Variants in RBBP7 observed in about 807,000 individuals in gnomAD.
RBBP7 encodes histone-binding protein RBBP7.
RBBP7 carries 5 observed loss-of-function variants against 35.2 expected under a neutral mutation model. That is an observed-to-expected ratio of 0.14 (90% CI 0.07 to 0.30). The LOEUF (loss-of-function observed/expected upper bound fraction) is 0.30, where lower values mean the gene tolerates loss of function less well. Ranked by LOEUF, RBBP7 falls within the 10% of genes least tolerant of loss-of-function variation. The pLI, the probability that RBBP7 is intolerant of heterozygous loss-of-function variation, is 1.00. For synonymous variants in RBBP7, 140 were observed against 118.7 expected (o/e 1.18, Z -1.17); for missense variants, 155 against 327.5 (o/e 0.47, Z 4.07).
intron 4 of RBBP7, among the ~76,000 whole-genome samples, chrX:16,858,042 G>A (rs1022625404): frequency 9.0e-6 from 1 of 111,597 alleles, no homozygotes; most frequent in Non-Finnish European, 1.9e-5. Flanking sequence ...AGGGTAGCCT[G>A]CAACCATAAA....
chrX:16,870,156 T>C lies in RBBP7; in HGVS notation c.-103A>G. ...CCTGCCTTTCCCAAGCGCGTCACAC[T>C]CCCCACTGTCGAAAGCCCGGGCCCC... is the stretch of plus-strand genomic sequence containing the variant. On this transcript the variant is annotated 5_prime_UTR_variant, in exon 1 of 12. Transcript: ENST00000380087. The C allele has an allele frequency of 2.1e-6, 2 of 962,343 alleles. No homozygotes were observed. Among genetic ancestry groups the C allele is most frequent in the Admixed American group, 4.0e-5 (1 of 24,997 alleles). 79.3% of individuals were successfully genotyped at this position (962,343 alleles called of 1,213,427 possible).
chrX:16,870,196 G>A lies in RBBP7; in HGVS notation c.-143C>T, dbSNP rs1348734624. ...GCCCGGGCCCCGTCTTGCTGCCTGG[G>A]TGCTCCCCAGACGCCGCGTCCTTCT... is the stretch of plus-strand genomic sequence containing the variant. On this transcript the variant is annotated 5_prime_UTR_variant, in exon 1 of 12. Coordinates refer to ENST00000380087, the MANE Select transcript of RBBP7 (RefSeq NM_002893.4). 2 of 771,762 alleles carry A rather than the reference G, an allele frequency of 2.6e-6. No individual in the cohort carries two copies. The highest frequency in any genetic ancestry group is 1.6e-6 in the Non-Finnish European group (1 of 630,609). The allele number at this position is 771,762 out of a possible 1,213,427, so 63.6% of individuals were successfully genotyped here.
chrX:16,853,624 C>A, intron 6 of RBBP7, 58 bp downstream of exon 6: 2 of 1,016,513 alleles, frequency 2.0e-6, no homozygotes, highest in Non-Finnish European at 2.6e-6. Flanking sequence ...CTGCAGCAAT[C>A]ACTGATGGTC....
At chrX:16,869,860 G>A (rs1930733830) in intron 1 of RBBP7, 178 bp downstream of exon 1, 1 of 844,132 alleles carries the variant, frequency 1.2e-6, no homozygotes, top group Non-Finnish European at 1.4e-6. Flanking sequence ...AGTGCTCGGA[G>A]CCCTCGGCGC....
chrX:16,869,388 A>G (rs1930709541), intron 1 of RBBP7, 168 bp from the exon 2 acceptor site: 1 of 1,061,410 alleles, frequency 9.4e-7, no homozygotes, highest in African/African-American at 1.9e-5. Context: ...ACTAACAATC[A>G]GGAAGCCTAT....
Position 16,870,271 on chromosome X carries a change from C to A in RBBP7, c.-218G>T. On this transcript the variant is annotated 5_prime_UTR_variant, in exon 1 of 12. It introduces an in-frame stop codon into an upstream open reading frame of the 5' UTR. Transcript: ENST00000380087. ...GTACCGAGGTCTGAGGCGCTCTTCT[C>A]TCTCTCTCCAAACTTGGAACGAGAC... is the stretch of plus-strand genomic sequence containing the variant. 2.6e-6 allele frequency: 1 copy of A among 380,503 alleles called. No individual in the cohort carries two copies. The highest frequency in any genetic ancestry group is 3.6e-6 in the Non-Finnish European group (1 of 278,835). The allele number at this position is 380,503 out of a possible 1,213,427, so 31.4% of individuals were successfully genotyped here.
intron 10 of RBBP7, chrX:16,847,502 T>C (rs998218835): frequency 7.3e-5 from 8 of 110,031 alleles, no homozygotes; most frequent in African/African-American, 2.6e-4. Flanking sequence ...TTAAGATCAC[T>C]GGGGCTTAGA....
chrX:16,865,627 G>A (rs888913378), intron 2 of RBBP7, among the ~76,000 whole-genome samples: 11 of 111,886 alleles, frequency 9.8e-5, no homozygotes, highest in African/African-American at 3.3e-4. Flanking sequence ...CTCCAATACT[G>A]GATGTACCTA....
chrX:16,848,724 A>T (rs1289260540), intron 10 of RBBP7: 1 of 111,520 alleles, frequency 9.0e-6, no homozygotes, highest in African/African-American at 3.3e-5. Context: ...GCACTGAAGG[A>T]CTCAGACGGG....
chrX:16,853,159 A>C (rs1306793504), intron 6 of RBBP7: 1 of 282,451 alleles, frequency 3.5e-6, no homozygotes, highest in Admixed American at 5.7e-5. Flanking sequence ...GAATAATGTC[A>C]CAATCTGATA....
Position 16,849,239 on chromosome X carries a change from C to T in RBBP7, c.1098+5G>A, listed in dbSNP as rs866037190. ...ACATTTCATCTTCTATAAGCCAATG[C>T]GTACCAGGAGTTCTGGAGGCCCATC... On this transcript the variant is annotated splice_donor_5th_base_variant and intron_variant, in intron 10 of 11. Coordinates refer to ENST00000380087, the MANE Select transcript of RBBP7 (RefSeq NM_002893.4). 1.8e-5 allele frequency: 22 copies of T among 1,205,186 alleles called. No homozygotes were observed. Among genetic ancestry groups the T allele is most frequent in the African/African-American group, 8.8e-5 (5 of 57,103 alleles).
At position 16,869,643 on chromosome X, in the gene RBBP7, G is replaced by A. The variant is rs202171012; in HGVS notation, c.16+395C>T. ...CACGACGCCCGCCTCGGCAGCCATA[G>A]GCCTGAGGACCCCAGCAACCCCCGG... On this transcript the variant is annotated intron_variant, in intron 1 of 11. Transcript: ENST00000380087. The A allele has an allele frequency of 2.8e-3, 3,232 of 1,134,479 alleles. 2 individuals are homozygous for A. The highest frequency in any genetic ancestry group is 3.5e-3 in the Non-Finnish European group (2,964 of 856,362). 93.5% of individuals were successfully genotyped at this position (1,134,479 alleles called of 1,213,427 possible).
chrX:16,862,854 A>T, intron 3 of RBBP7, 101 bp downstream of exon 3: 1 of 958,677 alleles, frequency 1.0e-6, no homozygotes, highest in Non-Finnish European at 1.4e-6. Context: ...CCTAGAAGTT[A>T]AATTACTGGG....
intron 5 of RBBP7, among the ~76,000 whole-genome samples, chrX:16,857,095 G>C (rs745835736): frequency 9.0e-6 from 1 of 111,629 alleles, no homozygotes; most frequent in Non-Finnish European, 1.9e-5. Context: ...TAACTCTATA[G>C]AGACAGAAAA....
chrX:16,864,542 A>AAAAAAAAAG (rs1569063331), intron 2 of RBBP7, among the ~76,000 whole-genome samples: 2 of 40,709 alleles, frequency 4.9e-5, no homozygotes, highest in African/African-American at 2.1e-4. Flanking sequence ...AAAAAAAAAA[A>AAAAAAAAAG]AAAAAGAAAA....
intron 5 of RBBP7, among the ~76,000 whole-genome samples, chrX:16,857,114 T>C (rs1277570090): frequency 9.0e-6 from 1 of 111,569 alleles, no homozygotes; most frequent in Non-Finnish European, 1.9e-5. Context: ...AATAAATTAG[T>C]GCTTACCAGG....
At chrX:16,862,809 T>C (rs1298673880) in intron 3 of RBBP7, 146 bp downstream of exon 3, 3 of 598,924 alleles carry the variant, frequency 5.0e-6, no homozygotes, top group Non-Finnish European at 7.6e-6. Flanking sequence ...AAAATCCTTG[T>C]GCACATGTGG....
intron 2 of RBBP7, among the ~76,000 whole-genome samples, chrX:16,866,882 T>C (rs1247299321): frequency 1.8e-5 from 2 of 111,439 alleles, no homozygotes; most frequent in African/African-American, 6.5e-5. Flanking sequence ...TCTTACATTC[T>C]CTAAGCCACT....
At chrX:16,851,034 G>T (rs1930200407) in intron 9 of RBBP7, among the ~76,000 whole-genome samples, 1 of 108,671 alleles carries the variant, frequency 9.2e-6, no homozygotes. Context: ...TGAGGCATGA[G>T]AACTGCTTGA....
Sources: allele counts gnomAD v4.1 joint callset (sites outside exome capture counted in the v4.1 genomes callset), GRCh38; gene constraint gnomAD v4.1.1; transcripts MANE v1.5; gene names NCBI Gene and HGNC (gene_info 2026-07-23, HGNC 2026-07-21).